Variants in KCNAB2 observed in about 807,000 individuals in gnomAD.
KCNAB2 encodes the protein voltage-gated potassium channel subunit beta-2.
In KCNAB2, 29 loss-of-function variants were observed where a neutral mutation model predicts 63.6. The observed-to-expected ratio is 0.46, with a 90% CI of 0.34 to 0.62. The LOEUF (loss-of-function observed/expected upper bound fraction) is 0.62. Ranked by LOEUF, KCNAB2 falls within the 20% of genes least tolerant of loss-of-function variation. KCNAB2 has a pLI of 0.01. For synonymous variants in KCNAB2, 222 were observed against 224.2 expected, an observed-to-expected ratio of 0.99 and a Z score of 0.09; for missense variants, 359 against 563.9, an observed-to-expected ratio of 0.64 and a Z score of 3.68.
upstream of KCNAB2, among the ~76,000 whole-genome samples, chr1:6,043,594 A>AGATG (rs1454862528): frequency 6.6e-6 from 1 of 152,144 alleles, no homozygotes; most frequent in Admixed American, 6.5e-5. Flanking sequence ...GGGGCTCTGG[A>AGATG]GATGACCTCT....
chr1:6,042,847 C>CCCT (rs1553122355), upstream of KCNAB2, among the ~76,000 whole-genome samples: 3 of 104,530 alleles, frequency 2.9e-5, no homozygotes, highest in Non-Finnish European at 5.8e-5. Flanking sequence ...CTCCCCACCC[C>CCCT]CCCCCCCGTT....
intron 13 of KCNAB2, among the ~76,000 whole-genome samples, chr1:6,095,908 C>G (rs1276451947): frequency 1.5e-5 from 2 of 136,448 alleles, no homozygotes; most frequent in South Asian, 2.8e-4. Context: ...CTACCCCCTA[C>G]CACATCCCCC....
intron 2 of KCNAB2, among the ~76,000 whole-genome samples, chr1:6,066,844 A>G (rs935369527): frequency 2.0e-5 from 3 of 152,240 alleles, no homozygotes; most frequent in African/African-American, 2.4e-5. Context: ...CAGCAGGCAC[A>G]GGCAGCCAGG....
chr1:5,996,669 C>T (rs7524578), intron 1 of KCNAB2, among the ~76,000 whole-genome samples: 7,543 of 152,312 alleles, frequency 0.05, 317 homozygotes, highest in African/African-American at 0.12. Context: ...TGGTTGTAGA[C>T]AAAACAGGAT....
At chr1:5,993,569 A>AG (rs1216330062) in intron 1 of KCNAB2, among the ~76,000 whole-genome samples, 1 of 152,190 alleles carries the variant, frequency 6.6e-6, no homozygotes, top group East Asian at 1.9e-4. Flanking sequence ...GTCCTGCGGC[A>AG]TTAGCAGCAG....
chr1:6,040,593 TC>T lies in KCNAB2; in HGVS notation c.29del (p.Pro10ArgfsTer14). On this transcript the variant is annotated frameshift_variant, in exon 2 of 16. Coordinates refer to the KCNAB2 transcript ENST00000164247. LOFTEE classifies it high-confidence loss of function. ...CATGTATCCAGAATCAACGACGGGC[TC>T]CCCGGCTCGGCTCTCGCTGCGGCAG... The T allele has an allele frequency of 6.2e-7, 1 of 1,614,172 alleles. No homozygotes were observed. Among genetic ancestry groups the T allele is most frequent in the Non-Finnish European group, 8.5e-7 (1 of 1,180,018 alleles).
intron 15 of KCNAB2, 164 bp from the exon 16 acceptor site, chr1:6,098,321 C>A: frequency 1.4e-6 from 2 of 1,431,440 alleles, no homozygotes; most frequent in Non-Finnish European, 1.8e-6. Context: ...CCTTCTGAAA[C>A]ACAAAAGCAG....
upstream of KCNAB2, among the ~76,000 whole-genome samples, chr1:6,033,372 T>C (rs1012606652): frequency 2.0e-5 from 3 of 151,196 alleles, no homozygotes; most frequent in African/African-American, 7.3e-5. Context: ...TGTGTGCATA[T>C]GTGTGCGTGT....
rs141588849 is a variant in KCNAB2, at chr1:6,086,630, C to T, written c.426-837C>T. Among the ~76,000 whole-genome samples the T allele has an allele frequency of 2.5e-4, 38 of 152,300 alleles. No homozygotes were observed. In the East Asian group the frequency reaches 4.3e-3, roughly 17 times the overall value. ...TCCTCTGGGAGGGGTCAAGGTCAAA[C>T]GTGGCTGGGAGGGGCCATCATTATC... On this transcript the variant is annotated intron_variant, in intron 6 of 15. Transcript: ENST00000378083. The surrounding 1 kb of genome is among the most constrained non-coding windows in gnomAD (Gnocchi z 4.2).
chr1:6,005,641 G>A (rs1012294757), intron 1 of KCNAB2, among the ~76,000 whole-genome samples: 1 of 151,930 alleles, frequency 6.6e-6, no homozygotes, highest in Non-Finnish European at 1.5e-5. Context: ...ACACCCTCCT[G>A]GCTCAGAGAG....
rs556645183 is a variant in KCNAB2, at chr1:6,053,414, G to A, written c.218+1660G>A. 1.4e-4 allele frequency among the ~76,000 whole-genome samples: 22 copies of A among 152,258 alleles called. 1 individual carries two copies. The highest frequency in any genetic ancestry group is 8.5e-4 in the Admixed American group (13 of 15,284). ...GGGCAGAGAAGCAGCGAGCTTGCAC[G>A]GAGACAAGTTCCAACAGCGACCACT... is the stretch of plus-strand genomic sequence containing the variant. On this transcript the variant is annotated intron_variant, in intron 2 of 15. Transcript: ENST00000378083.
intron 5 of KCNAB2, among the ~76,000 whole-genome samples, chr1:6,084,615 A>C (rs1338642467): frequency 1.3e-5 from 2 of 152,176 alleles, no homozygotes; most frequent in South Asian, 2.1e-4. Context: ...GAGGAGTTCG[A>C]GACCAGCCTG....
intron 4 of KCNAB2, among the ~76,000 whole-genome samples, chr1:6,079,956 C>T (rs1464354413): frequency 6.6e-6 from 1 of 152,172 alleles, no homozygotes; most frequent in Admixed American, 6.5e-5. Context: ...TCTTCATGAG[C>T]AGGTGTGGAT....
chr1:6,040,795 G>A (rs4908494), intron 2 of KCNAB2: 22,329 of 591,786 alleles, frequency 0.038, 666 homozygotes, highest in South Asian at 0.1. Context: ...TGAGGTGCAC[G>A]CTGGTGAGCG....
In KCNAB2 at chr1:6,024,541, G is replaced by C. The variant is rs1659026718; in HGVS notation, c.-52-15976G>C. Among the ~76,000 whole-genome samples the C allele has an allele frequency of 6.6e-6, 1 of 152,216 alleles. No individual in the cohort carries two copies. Among genetic ancestry groups the C allele is most frequent in the African/African-American group, 2.4e-5 (1 of 41,458 alleles). On this transcript the variant is annotated intron_variant, in intron 1 of 16. Coordinates refer to the KCNAB2 transcript ENST00000341524. This position sits in a 1 kb window ranked among gnomAD's most constrained non-coding sequence, Gnocchi z 5.4. ...CCAGGAATGAAGCTGAGGTTTGAGG[G>C]CTGGTTCAGTGTGTCTGAAACTGCG...
In KCNAB2 at chr1:6,081,249, G is replaced by A. The variant is rs561326770; in HGVS notation, c.301-946G>A. ...CACCACAGCAGTGCCGCTCAGGGCCGGGAGTATGTGCCGTTGGAGAAACAC... is the reference window on the plus strand; with the variant it reads ...CACCACAGCAGTGCCGCTCAGGGCCAGGAGTATGTGCCGTTGGAGAAACAC... On this transcript the variant is annotated intron_variant, in intron 4 of 15. Transcript: ENST00000378083. Among the ~76,000 whole-genome samples, 10 of 152,346 alleles carry A rather than the reference G, an allele frequency of 6.6e-5. No homozygotes were observed. In the East Asian group the frequency reaches 7.7e-4, roughly 12 times the overall value.
intron 1 of KCNAB2, among the ~76,000 whole-genome samples, chr1:6,039,144 T>C (rs1660290873): frequency 6.6e-6 from 1 of 151,818 alleles, no homozygotes; most frequent in African/African-American, 2.4e-5. Context: ...CTCATGGCGC[T>C]GAGAAGCACT....
chr1:6,013,327 A>G (rs1570859160), intron 1 of KCNAB2, among the ~76,000 whole-genome samples: 1 of 152,002 alleles, frequency 6.6e-6, no homozygotes, highest in South Asian at 2.1e-4. Flanking sequence ...CAGAAGACAC[A>G]CTTGTGACGC....
intron 1 of KCNAB2, among the ~76,000 whole-genome samples, chr1:6,012,017 G>A (rs1658178264): frequency 6.6e-6 from 1 of 151,890 alleles, no homozygotes; most frequent in South Asian, 2.1e-4. Context: ...TGGTGGTAGA[G>A]GTGGAGGTGA....
Sources: allele counts gnomAD v4.1 joint callset (sites outside exome capture counted in the v4.1 genomes callset), GRCh38; gene constraint gnomAD v4.1.1; non-coding constraint Gnocchi (gnomAD v3.1); transcripts MANE v1.5; gene names NCBI Gene and HGNC (gene_info 2026-07-23, HGNC 2026-07-21).